Variants in RRAGD observed in about 807,000 individuals in gnomAD.
RRAGD encodes ras-related GTP-binding protein D.
In RRAGD, 12 loss-of-function variants were observed where a neutral mutation model predicts 35.5. That is an observed-to-expected ratio of 0.34 (90% confidence interval 0.22 to 0.55). RRAGD has a LOEUF of 0.55. Among genes scored for constraint, RRAGD ranks in the 20% least tolerant of loss-of-function variants. RRAGD has a pLI of 0.91. For synonymous variants in RRAGD, 155 were observed against 178.9 expected (o/e 0.87, Z 1.07); for missense variants, 324 against 490.1 (o/e 0.66, Z 3.20).
chr6:89,384,997 C>T (rs914644801), intron 2 of RRAGD, among the ~76,000 whole-genome samples: 1 of 151,602 alleles, frequency 6.6e-6, no homozygotes, highest in African/African-American at 2.4e-5. Flanking sequence ...GAGGCTGTAG[C>T]GGGTTATAAT....
At chr6:89,371,082 A>G (rs1768847188) in intron 6 of RRAGD, among the ~76,000 whole-genome samples, 2 of 151,620 alleles carry the variant, frequency 1.3e-5, no homozygotes, top group African/African-American at 4.8e-5. Context: ...TAAATATAAA[A>G]CTATATTAGA....
chr6:89,411,749 T>A lies in RRAGD; in HGVS notation c.148+97A>T. 59 of 1,292,240 alleles carry A rather than the reference T, an allele frequency of 4.6e-5. No individual in the cohort carries two copies. The highest frequency in any genetic ancestry group is 1.9e-4 in the East Asian group (6 of 32,300). 80.0% of individuals were successfully genotyped at this position (1,292,240 alleles called of 1,614,324 possible). On this transcript the variant is annotated intron_variant, in intron 1 of 6. Transcript: ENST00000369415. The surrounding 1 kb of genome is among the most constrained non-coding windows in gnomAD (Gnocchi z 5.6). ...ACTGGACCCGCTCCCCTGGACCCCC[T>A]CCAAGTCGGTGGCTCGCGCACGGCC...
In RRAGD at chr6:89,397,425, G is replaced by A. The variant is rs534587744; in HGVS notation, c.149-9835C>T. Among the ~76,000 whole-genome samples, 65 of 152,052 alleles carry A rather than the reference G, an allele frequency of 4.3e-4. 2 individuals carry two copies. The South Asian group carries it at 0.013, about 31-fold the overall frequency. On this transcript the variant is annotated intron_variant, in intron 1 of 6. Transcript: ENST00000369415. Reference sequence around the variant, plus strand: ...TGAAAGTTTTTGTCCATATAATAACGTGTACATAAAGGATCATAACAACTT... The same window carrying A: ...TGAAAGTTTTTGTCCATATAATAACATGTACATAAAGGATCATAACAACTT...
At chr6:89,399,208 G>A (rs985756537) in intron 1 of RRAGD, among the ~76,000 whole-genome samples, 5 of 152,304 alleles carry the variant, frequency 3.3e-5, no homozygotes, top group East Asian at 3.9e-4. Context: ...GGAGGGTGGC[G>A]AGGTGACAGA....
rs1168720340 is a variant in RRAGD, at chr6:89,366,722, TA to T, written c.*1333del. The T allele has an allele frequency of 3.9e-5, 6 of 152,114 alleles. No individual in the cohort carries two copies. Among genetic ancestry groups the T allele is most frequent in the Non-Finnish European group, 8.8e-5 (6 of 68,022 alleles). 9.4% of individuals were successfully genotyped at this position (152,114 alleles called of 1,614,324 possible). ...ATTATCTACTTGGAATGATTTGGCA[TA>T]GGGGTAGATTTAGGACTCTTAATTT... On this transcript the variant is annotated 3_prime_UTR_variant, in exon 7 of 7. Transcript: ENST00000369415.
At chr6:89,389,575 AAG>A (rs1316561454) in intron 1 of RRAGD, among the ~76,000 whole-genome samples, 6 of 151,658 alleles carry the variant, frequency 4.0e-5, no homozygotes, top group Non-Finnish European at 7.4e-5. Flanking sequence ...AAAAAAAAAA[AAG>A]AAGTTGGTGT....
chr6:89,374,207 A>T (rs1425495798), intron 5 of RRAGD, among the ~76,000 whole-genome samples: 3 of 152,188 alleles, frequency 2.0e-5, no homozygotes, highest in African/African-American at 7.2e-5. Flanking sequence ...AAGGAAACTG[A>T]GGCTAGGGGA....
Position 89,396,762 on chromosome 6 carries a change from CAG to C in RRAGD, c.149-9174_149-9173del. Among the ~76,000 whole-genome samples the C allele has an allele frequency of 3.3e-5, 3 of 91,118 alleles. No homozygotes were observed. In the South Asian group the frequency reaches 1.1e-3, roughly 34 times the overall value. 59.8% of individuals were successfully genotyped at this position (91,118 alleles called of 152,430 possible). A position where few individuals can be genotyped will look rare whatever the true frequency, so the allele number is the denominator to read the frequency against. ...TTTTTTTTTTTTTTTTTTTTTGAGA[CAG>C]AGTCTTGCTCTGTCACACAGGCTGG... On this transcript the variant is annotated intron_variant, in intron 1 of 6. Coordinates refer to ENST00000369415, the MANE Select transcript of RRAGD (RefSeq NM_021244.5).
chr6:89,397,714 T>C (rs1046168166), intron 1 of RRAGD, among the ~76,000 whole-genome samples: 4 of 152,212 alleles, frequency 2.6e-5, no homozygotes, highest in Admixed American at 6.5e-5. Flanking sequence ...AAATAAACTA[T>C]TGATACACAT....
chr6:89,377,578 T>G, intron 5 of RRAGD, 93 bp downstream of exon 5: 1 of 1,168,216 alleles, frequency 8.6e-7, no homozygotes, highest in Non-Finnish European at 1.2e-6. Context: ...GACAAAAATG[T>G]TAAAGTTAAG....
In RRAGD at chr6:89,372,591, T is replaced by C; in HGVS notation, c.903-6A>G. On this transcript the variant is annotated splice_region_variant and splice_polypyrimidine_tract_variant and intron_variant, in intron 5 of 6. Transcript: ENST00000369415. ...CTGCTCCATCTTCTTTGAGACTAAA[T>C]GGGGACAGAAACCAAAACATGTGAC... 1 of 1,513,110 alleles carries C rather than the reference T, an allele frequency of 6.6e-7. No individual in the cohort carries two copies. The highest frequency in any genetic ancestry group is 8.8e-7 in the Non-Finnish European group (1 of 1,134,678). 93.7% of individuals were successfully genotyped at this position (1,513,110 alleles called of 1,614,324 possible). A position where few individuals can be genotyped will look rare whatever the true frequency, so the allele number is the denominator to read the frequency against.
chr6:89,379,821 A>G (rs1769011908), intron 3 of RRAGD, among the ~76,000 whole-genome samples: 1 of 152,122 alleles, frequency 6.6e-6, no homozygotes, highest in Non-Finnish European at 1.5e-5. Flanking sequence ...TTTTCAGACT[A>G]CTCCTTTACT....
chr6:89,398,852 C>A (rs1769392030), intron 1 of RRAGD, among the ~76,000 whole-genome samples: 1 of 152,216 alleles, frequency 6.6e-6, no homozygotes, highest in Admixed American at 6.5e-5. Flanking sequence ...TACCACCAAT[C>A]AGCTGTCTGT....
chr6:89,371,360 G>A (rs1582502533), intron 6 of RRAGD, among the ~76,000 whole-genome samples: 1 of 152,136 alleles, frequency 6.6e-6, no homozygotes, highest in South Asian at 2.1e-4. Context: ...TTGTTGACAT[G>A]TGTCTGTGGT....
In RRAGD at chr6:89,367,132, T is replaced by A. The variant is rs1417691895; in HGVS notation, c.*924A>T. On this transcript the variant is annotated 3_prime_UTR_variant, in exon 7 of 7. Transcript: ENST00000369415. ...ACAGGGCCAAAAGTCCAGAATTGTA[T>A]CTATGTTTTTTAGTCTGCAGTTGCC... 6.6e-6 allele frequency: 1 copy of A among 152,214 alleles called. No individual in the cohort carries two copies. The highest frequency in any genetic ancestry group is 1.5e-5 in the Non-Finnish European group (1 of 68,052). 9.4% of individuals were successfully genotyped at this position (152,214 alleles called of 1,614,324 possible).
intron 1 of RRAGD, among the ~76,000 whole-genome samples, chr6:89,404,278 G>A (rs1423184793): frequency 6.6e-6 from 1 of 152,176 alleles, no homozygotes; most frequent in Non-Finnish European, 1.5e-5. Context: ...TGAGGCCTCA[G>A]TGCTTACCCA....
At position 89,411,498 on chromosome 6, in the gene RRAGD, C is replaced by A; in HGVS notation, c.148+348G>T. ...AGAGGTCCCAGGGCGCGCCCGCGGT[C>A]CCCTCCCCTCCCCAACCGCCAGACG... On this transcript the variant is annotated intron_variant, in intron 1 of 6. Transcript: ENST00000369415. The surrounding 1 kb of genome is among the most constrained non-coding windows in gnomAD (Gnocchi z 5.6). 3.7e-6 allele frequency: 1 copy of A among 267,482 alleles called. No individual in the cohort carries two copies. The highest frequency in any genetic ancestry group is 5.9e-5 in the South Asian group (1 of 17,020). 16.6% of individuals were successfully genotyped at this position (267,482 alleles called of 1,614,324 possible).
chr6:89,410,769 G>A (rs1769677247), intron 1 of RRAGD, among the ~76,000 whole-genome samples: 1 of 152,172 alleles, frequency 6.6e-6, no homozygotes, highest in Admixed American at 6.5e-5. Flanking sequence ...GCTTTGCATA[G>A]AGAATTTAAA....
rs148684631 is a variant in RRAGD at position 89,412,257 on chromosome 6, G to GGAGA, written c.-268_-265dup. 0.33 allele frequency: 75,229 copies of GGAGA among 225,068 alleles called. 14,455 individuals are homozygous for GGAGA. The highest frequency in any genetic ancestry group is 0.59 in the African/African-American group (25,061 of 42,302). The allele number at this position is 225,068 out of a possible 1,614,324, so 13.9% of individuals were successfully genotyped here. A position where few individuals can be genotyped will look rare whatever the true frequency, so the allele number is the denominator to read the frequency against. On this transcript the variant is annotated 5_prime_UTR_variant, in exon 1 of 7. Transcript: ENST00000369415. The surrounding 1 kb of genome is among the most constrained non-coding windows in gnomAD (Gnocchi z 4.2). Reference sequence around the variant, plus strand: ...AGCGCGGCAGTTCCTCCCGGAGGAGGGAGAGAGAGAGAGACTGCGTGACCC... The same window carrying GGAGA: ...AGCGCGGCAGTTCCTCCCGGAGGAGGGAGAGAGAGAGAGAGAGACTGCGTGACCC...
Sources: gnomAD v4.1 joint callset for allele counts (sites outside exome capture counted in the v4.1 genomes callset) on GRCh38, gnomAD v4.1.1 for gene constraint, Gnocchi (gnomAD v3.1) non-coding constraint, MANE v1.5 for transcripts, NCBI Gene and HGNC (gene_info 2026-07-23, HGNC 2026-07-21) for gene names.